The following PRKCQ variants were observed in gnomAD, a reference collection of about 807,000 sequenced individuals.
The protein encoded by PRKCQ is protein kinase C theta, also known as protein kinase C theta type.
PRKCQ carries 41 observed loss-of-function variants against 91.2 expected under a neutral mutation model. That is an observed-to-expected ratio of 0.45 (90% CI 0.35 to 0.58). PRKCQ has a LOEUF of 0.58. Among genes scored for constraint, PRKCQ ranks in the 20% least tolerant of loss-of-function variants. PRKCQ has a pLI of 0.00. For missense variants in PRKCQ, 673 were observed against 896.5 expected (o/e 0.75, Z 3.18); for synonymous variants, 307 against 316.9 (o/e 0.97, Z 0.33).
chr10:6,569,427 G>A (rs1564398784), intron 1 of PRKCQ, among the ~76,000 whole-genome samples: 2 of 152,074 alleles, frequency 1.3e-5, no homozygotes. Flanking sequence ...GGAACCCGAT[G>A]TGAGGGCTGG....
chr10:6,473,293 G>A (rs1451259113), intron 12 of PRKCQ, among the ~76,000 whole-genome samples: 1 of 152,132 alleles, frequency 6.6e-6, no homozygotes, highest in Non-Finnish European at 1.5e-5. Flanking sequence ...ATTCTTTTGG[G>A]GTGTTTCCAG....
intron 1 of PRKCQ, among the ~76,000 whole-genome samples, chr10:6,525,994 G>C (rs1839184031): frequency 6.6e-6 from 1 of 152,194 alleles, no homozygotes; most frequent in African/African-American, 2.4e-5. Flanking sequence ...TTTGGGAACT[G>C]AATGAGATAA....
Position 6,428,250 on chromosome 10 carries a change from T to C in PRKCQ, c.2078A>G (p.Asn693Ser). ...INSMDQNMFRNFSFMNPGMER... is the reference protein window; with the variant it reads ...INSMDQNMFRSFSFMNPGMER... ...CATCCCGGGGTTCATGAAGGAAAAG[T>C]TCCTGAACATATTCTGGTCCATGCT... The change falls in exon 18 of 18, where the codon AAC becomes AGC. Residue 693 changes from asparagine (N) to serine (S), a missense_variant. By Grantham distance (46) the Asn-to-Ser change is conservative. Transcript: ENST00000263125. The C allele has an allele frequency of 6.2e-7, 1 of 1,614,226 alleles. No individual in the cohort carries two copies. Among genetic ancestry groups the C allele is most frequent in the African/African-American group, 1.3e-5 (1 of 75,066 alleles).
chr10:6,572,215 A>C (rs1176328442), intron 1 of PRKCQ, among the ~76,000 whole-genome samples: 1 of 152,130 alleles, frequency 6.6e-6, no homozygotes, highest in Non-Finnish European at 1.5e-5. Context: ...ATAGGTATGT[A>C]ATTTTCTTTA....
intron 1 of PRKCQ, among the ~76,000 whole-genome samples, chr10:6,579,065 T>C (rs554602353): frequency 3.3e-5 from 5 of 152,254 alleles, no homozygotes; most frequent in Non-Finnish European, 7.4e-5. Flanking sequence ...GCCTCACGAA[T>C]CCCAGTGGTT....
At chr10:6,411,324 G>C in the PRKCQ span, among the ~76,000 whole-genome samples, 112 of 152,276 alleles carry the variant, frequency 7.4e-4, no homozygotes, top group African/African-American at 2.6e-3. Flanking sequence ...TAGGCACTCA[G>C]TAAATATTAG....
At chr10:6,532,667 T>A (rs775508867) in intron 1 of PRKCQ, among the ~76,000 whole-genome samples, 9 of 152,250 alleles carry the variant, frequency 5.9e-5, no homozygotes, top group Non-Finnish European at 1.3e-4. Context: ...TGCAATTTCA[T>A]TATTCTCCAG....
intron 15 of PRKCQ, among the ~76,000 whole-genome samples, chr10:6,452,481 A>T (rs1234286407): frequency 2.0e-5 from 3 of 151,966 alleles, no homozygotes; most frequent in African/African-American, 7.3e-5. Context: ...CAATATCGTG[A>T]AAATGGCCAT....
chr10:6,473,112 GCA>G (rs1463787209), intron 12 of PRKCQ, among the ~76,000 whole-genome samples: 1 of 152,132 alleles, frequency 6.6e-6, no homozygotes, highest in African/African-American at 2.4e-5. Context: ...CATGACTATA[GCA>G]CACTCTGTAA....
At chr10:6,507,319 G>A in intron 4 of PRKCQ, 117 bp downstream of exon 4, 2 of 1,003,756 alleles carry the variant, frequency 2.0e-6, no homozygotes, top group Middle Eastern at 2.2e-4. Context: ...AAACAATTTT[G>A]TGCCTCTCTT....
At chr10:6,575,883 T>C (rs1212981264) in intron 1 of PRKCQ, among the ~76,000 whole-genome samples, 1 of 152,004 alleles carries the variant, frequency 6.6e-6, no homozygotes, top group Non-Finnish European at 1.5e-5. Context: ...CTACTAAAAA[T>C]ACAAAAGTTA....
chr10:6,578,309 A>G (rs1292160213), intron 1 of PRKCQ, among the ~76,000 whole-genome samples: 1 of 152,254 alleles, frequency 6.6e-6, no homozygotes, highest in Non-Finnish European at 1.5e-5. Flanking sequence ...TAGCTCCTCA[A>G]GTAACAGTTG....
intron 8 of PRKCQ, among the ~76,000 whole-genome samples, chr10:6,487,994 G>C (rs1359041237): frequency 1.6e-5 from 2 of 121,360 alleles, no homozygotes; most frequent in Non-Finnish European, 3.3e-5. Flanking sequence ...GACAGAGCGA[G>C]ACTGTGTCTC....
intron 1 of PRKCQ, among the ~76,000 whole-genome samples, chr10:6,547,843 C>G (rs1456897921): frequency 1.3e-5 from 2 of 150,926 alleles, no homozygotes; most frequent in Non-Finnish European, 3.0e-5. Context: ...ATGTCTAAAA[C>G]ACCAAAAGCA....
intron 4 of PRKCQ, among the ~76,000 whole-genome samples, chr10:6,504,533 T>A (rs960647004): frequency 6.6e-6 from 1 of 152,238 alleles, no homozygotes; most frequent in Non-Finnish European, 1.5e-5. Context: ...TAACCTTTAA[T>A]GCCCACACTG....
At chr10:6,423,761 C>T (rs1833057715), downstream of PRKCQ, among the ~76,000 whole-genome samples, 1 of 152,186 alleles carries the variant, frequency 6.6e-6, no homozygotes, top group South Asian at 2.1e-4. Flanking sequence ...TACCAAATGC[C>T]TCTTCTCTTG....
the PRKCQ span, among the ~76,000 whole-genome samples, chr10:6,403,183 T>G: frequency 6.6e-6 from 1 of 152,226 alleles, no homozygotes; most frequent in Non-Finnish European, 1.5e-5. Flanking sequence ...TGAAGCTCTG[T>G]GCTAAAACAC....
At chr10:6,456,520 C>T (rs765346658) in intron 15 of PRKCQ, among the ~76,000 whole-genome samples, 154 bp downstream of exon 15, 1 of 152,140 alleles carries the variant, frequency 6.6e-6, no homozygotes, top group Non-Finnish European at 1.5e-5. Context: ...TAATAGAAAC[C>T]CACATGCATG....
chr10:6,409,106 A>G, the PRKCQ span, among the ~76,000 whole-genome samples: 1 of 152,094 alleles, frequency 6.6e-6, no homozygotes, highest in African/African-American at 2.4e-5. Flanking sequence ...GAGAGAGGGG[A>G]AAGGAAATTA....
Sources: gnomAD v4.1 joint callset for allele counts (sites outside exome capture counted in the v4.1 genomes callset) on GRCh38, gnomAD v4.1.1 for gene constraint, MANE v1.5 for transcripts, NCBI Gene and HGNC (gene_info 2026-07-23, HGNC 2026-07-21) for gene names.